SKAP1: variants seen among roughly 807,000 people sequenced by gnomAD.
The protein encoded by SKAP1 is src kinase-associated phosphoprotein 1.
Under a neutral mutation model 58.5 loss-of-function variants are expected in SKAP1, and 44 were observed. That is an observed-to-expected ratio of 0.75 (90% CI 0.59 to 0.97). The LOEUF (loss-of-function observed/expected upper bound fraction) is 0.97, where lower values mean the gene tolerates loss of function less well. Ranked by LOEUF, SKAP1 falls within the 50% of genes least tolerant of loss-of-function variation. The pLI, the probability that SKAP1 is intolerant of heterozygous loss-of-function variation, is 0.00. For synonymous variants in SKAP1, 127 were observed against 149.7 expected, an observed-to-expected ratio of 0.85 and a Z score of 1.11; for missense variants, 390 against 435.2, an observed-to-expected ratio of 0.90 and a Z score of 0.92.
chr17:48,393,761 A>T (rs1012050314), intron 2 of SKAP1, among the ~76,000 whole-genome samples: 19 of 151,846 alleles, frequency 1.3e-4, no homozygotes, highest in African/African-American at 4.6e-4. Flanking sequence ...GAAGTTGTAA[A>T]ATATATATAT....
At chr17:48,250,436 C>G (rs1157146652) in intron 4 of SKAP1, among the ~76,000 whole-genome samples, 1 of 151,384 alleles carries the variant, frequency 6.6e-6, no homozygotes, top group Non-Finnish European at 1.5e-5. Flanking sequence ...GCGTGCACCA[C>G]CGCGCCCAGC....
intron 1 of SKAP1, among the ~76,000 whole-genome samples, chr17:48,420,459 G>T (rs77165739): frequency 3.2e-4 from 49 of 152,158 alleles, no homozygotes; most frequent in African/African-American, 1.2e-3. Context: ...TTTTCATGTG[G>T]CAGGGAAAAA....
At chr17:48,203,200 C>T (rs1399547541) in intron 4 of SKAP1, among the ~76,000 whole-genome samples, 1 of 152,202 alleles carries the variant, frequency 6.6e-6, no homozygotes, top group Admixed American at 6.5e-5. Context: ...CTTTCCTGTC[C>T]GTGCACAGGG....
intron 4 of SKAP1, among the ~76,000 whole-genome samples, chr17:48,225,873 G>A (rs1332945271): frequency 6.6e-6 from 1 of 152,318 alleles, no homozygotes; most frequent in South Asian, 2.1e-4. Flanking sequence ...ACTAGGACGT[G>A]CGAGAAAAGA....
chr17:48,257,111 C>T (rs769033231), intron 4 of SKAP1, among the ~76,000 whole-genome samples: 5 of 151,880 alleles, frequency 3.3e-5, no homozygotes, highest in African/African-American at 7.3e-5. Context: ...GAGAGCCTAG[C>T]TTACTGTCAT....
chr17:48,429,529 A>T (rs763305930), intron 1 of SKAP1, among the ~76,000 whole-genome samples: 4 of 152,194 alleles, frequency 2.6e-5, no homozygotes, highest in Non-Finnish European at 5.9e-5. Context: ...TGAGACCCCT[A>T]GACGTCTGCA....
intron 4 of SKAP1, among the ~76,000 whole-genome samples, chr17:48,316,658 C>G (rs774567038): frequency 6.6e-6 from 1 of 152,082 alleles, no homozygotes; most frequent in Non-Finnish European, 1.5e-5. Context: ...AGTCTAAGGT[C>G]GTGCACATAG....
At chr17:48,228,017 T>C (rs1170058655) in intron 4 of SKAP1, among the ~76,000 whole-genome samples, 1 of 152,236 alleles carries the variant, frequency 6.6e-6, no homozygotes, top group East Asian at 1.9e-4. Flanking sequence ...GTGTATATCC[T>C]GATCACTAAT....
At chr17:48,437,878 C>T in the SKAP1 span, among the ~76,000 whole-genome samples, 1 of 152,114 alleles carries the variant, frequency 6.6e-6, no homozygotes, top group Non-Finnish European at 1.5e-5. Context: ...ACTAGTCTTA[C>T]CTCCTCGCAG....
chr17:48,442,555 C>T, the SKAP1 span, among the ~76,000 whole-genome samples: 2 of 152,140 alleles, frequency 1.3e-5, no homozygotes, highest in Non-Finnish European at 1.5e-5. Context: ...ACTCCACAAC[C>T]ACTTGTCCCC....
intron 11 of SKAP1, among the ~76,000 whole-genome samples, chr17:48,149,366 C>T (rs959476724): frequency 6.6e-6 from 1 of 152,118 alleles, no homozygotes; most frequent in East Asian, 1.9e-4. Flanking sequence ...TGACAAGTCA[C>T]CATGTTCCAG....
At chr17:48,273,114 A>T (rs578211895) in intron 4 of SKAP1, among the ~76,000 whole-genome samples, 5 of 152,252 alleles carry the variant, frequency 3.3e-5, no homozygotes, top group Middle Eastern at 6.8e-3. Flanking sequence ...TTTCTACTGG[A>T]TTTAGAACCA....
chr17:48,327,269 C>T (rs1353986307), intron 4 of SKAP1, among the ~76,000 whole-genome samples: 1 of 152,172 alleles, frequency 6.6e-6, no homozygotes, highest in Non-Finnish European at 1.5e-5. Flanking sequence ...AGAGCAACAA[C>T]TGCTATTTAT....
intron 2 of SKAP1, among the ~76,000 whole-genome samples, chr17:48,390,079 G>A (rs2067327227): frequency 6.6e-6 from 1 of 152,180 alleles, no homozygotes; most frequent in South Asian, 2.1e-4. Flanking sequence ...CAAAGGGCTT[G>A]GCTCCTGACA....
intron 10 of SKAP1, among the ~76,000 whole-genome samples, chr17:48,163,349 G>A (rs1555595558): frequency 6.6e-6 from 1 of 152,194 alleles, no homozygotes; most frequent in Non-Finnish European, 1.5e-5. Context: ...GATTTACTGA[G>A]CTTCTCAGCA....
intron 1 of SKAP1, among the ~76,000 whole-genome samples, chr17:48,415,915 G>C (rs1350717014): frequency 2.0e-5 from 3 of 152,182 alleles, no homozygotes; most frequent in African/African-American, 4.8e-5. Context: ...GTAGAAGGGG[G>C]AGATATTCAG....
At chr17:48,139,959 A>G (rs979797176) in intron 11 of SKAP1, among the ~76,000 whole-genome samples, 1 of 152,192 alleles carries the variant, frequency 6.6e-6, no homozygotes, top group African/African-American at 2.4e-5. Flanking sequence ...GAGACTGACC[A>G]TTGCCTGTAA....
chr17:48,252,190 C>G (rs2065371708), intron 4 of SKAP1, among the ~76,000 whole-genome samples: 1 of 151,936 alleles, frequency 6.6e-6, no homozygotes, highest in African/African-American at 2.4e-5. Flanking sequence ...GGTATAGACT[C>G]TTGAGTAAAT....
chr17:48,138,474 A>G (rs888754596), intron 11 of SKAP1, among the ~76,000 whole-genome samples: 2 of 151,102 alleles, frequency 1.3e-5, no homozygotes, highest in African/African-American at 4.9e-5. Context: ...GGTTCAAGCG[A>G]TTCTCCTGCC....
Sources: allele counts gnomAD v4.1 joint callset (sites outside exome capture counted in the v4.1 genomes callset), GRCh38; gene constraint gnomAD v4.1.1; transcripts MANE v1.5; gene names NCBI Gene and HGNC (gene_info 2026-07-23, HGNC 2026-07-21).